The following MAF variants were observed in gnomAD, a reference collection of about 807,000 sequenced individuals.
MAF encodes the protein transcription factor Maf.
A neutral mutation model predicts 22.0 loss-of-function variants in MAF; 10 were observed. The observed-to-expected ratio is 0.45, with a 90% CI of 0.28 to 0.77. The LOEUF is 0.77. Ranked by LOEUF, MAF falls within the 30% of genes least tolerant of loss-of-function variation. The pLI is 0.12. For missense variants in MAF, 544 were observed against 548.4 expected, an observed-to-expected ratio of 0.99 and a Z score of 0.08; for synonymous variants, 337 against 255.8, an observed-to-expected ratio of 1.32 and a Z score of -3.03.
At chr16:79,530,851 G>C in the MAF span, among the ~76,000 whole-genome samples, 2 of 152,164 alleles carry the variant, frequency 1.3e-5, no homozygotes, top group Admixed American at 1.3e-4. Context: ...ATGGGTGGAA[G>C]GAATGGAAAT....
chr16:79,228,415 A>G, the MAF span, among the ~76,000 whole-genome samples: 1 of 152,038 alleles, frequency 6.6e-6, no homozygotes, highest in South Asian at 2.1e-4. Context: ...TCAAGAAAGA[A>G]TGGCTTCACT....
downstream of MAF, among the ~76,000 whole-genome samples, chr16:79,589,488 AAAAAAAG>A (rs371556034): frequency 1.4e-4 from 22 of 152,352 alleles, no homozygotes; most frequent in African/African-American, 4.8e-4. Flanking sequence ...GAAGCAGGAA[AAAAAAAG>A]AAAAAAGAAA....
At chr16:79,471,804 T>A in the MAF span, among the ~76,000 whole-genome samples, 1 of 152,214 alleles carries the variant, frequency 6.6e-6, no homozygotes, top group Admixed American at 6.5e-5. Flanking sequence ...GTAATCCAAT[T>A]TCTTCTTTAT....
the MAF span, among the ~76,000 whole-genome samples, chr16:79,539,982 T>C: frequency 4.6e-5 from 7 of 152,052 alleles, no homozygotes; most frequent in African/African-American, 1.7e-4. Flanking sequence ...AAAATATATA[T>C]ATAAATTTTA....
the MAF span, among the ~76,000 whole-genome samples, chr16:79,333,282 T>G: frequency 6.6e-6 from 1 of 152,180 alleles, no homozygotes; most frequent in African/African-American, 2.4e-5. Context: ...TTTGTGGATC[T>G]GACCCCACCT....
the MAF span, among the ~76,000 whole-genome samples, chr16:79,303,914 A>G: frequency 1.1e-4 from 17 of 152,322 alleles, 1 homozygote; most frequent in African/African-American, 4.1e-4. Context: ...CGGGGAGAAA[A>G]AAAAGAGAGA....
the MAF span, among the ~76,000 whole-genome samples, chr16:79,404,021 C>T: frequency 3.8e-4 from 58 of 152,256 alleles, no homozygotes; most frequent in African/African-American, 1.3e-3. Flanking sequence ...TGCATCACCA[C>T]GTATTTCTAA....
chr16:79,286,091 C>A, the MAF span, among the ~76,000 whole-genome samples: 1 of 152,162 alleles, frequency 6.6e-6, no homozygotes, highest in African/African-American at 2.4e-5. Context: ...CAAATAAGAT[C>A]AATATTGATA....
the MAF span, among the ~76,000 whole-genome samples, chr16:79,264,745 C>A: frequency 6.6e-6 from 1 of 152,198 alleles, no homozygotes. Flanking sequence ...AAATGTCTAA[C>A]CTCTAGGAAA....
At chr16:79,244,623 G>C in the MAF span, among the ~76,000 whole-genome samples, 9 of 152,020 alleles carry the variant, frequency 5.9e-5, no homozygotes, top group African/African-American at 2.2e-4. Context: ...AATCAATATC[G>C]TGAAAATGGC....
the MAF span, among the ~76,000 whole-genome samples, chr16:79,262,212 G>T: frequency 6.6e-6 from 1 of 152,154 alleles, no homozygotes; most frequent in East Asian, 1.9e-4. Context: ...GGCCTCAGAG[G>T]TTTGGGGGAC....
the MAF span, among the ~76,000 whole-genome samples, chr16:79,375,733 TA>T: frequency 1.5e-4 from 22 of 151,662 alleles, 1 homozygote; most frequent in South Asian, 1.9e-3. Context: ...GTCACAGACT[TA>T]AAAAAAAATC....
the MAF span, among the ~76,000 whole-genome samples, chr16:79,239,339 G>C: frequency 1.3e-5 from 2 of 151,998 alleles, no homozygotes; most frequent in African/African-American, 2.4e-5. Context: ...GGAGTTTCCT[G>C]GGCCGTGGGA....
chr16:79,321,645 CTTTTTTTTTTTT>C, the MAF span, among the ~76,000 whole-genome samples: 9 of 86,970 alleles, frequency 1.0e-4, no homozygotes, highest in East Asian at 2.1e-3. Context: ...TTTTCTTTTT[CTTTTTTTTTTTT>C]TTTTTTTTTT....
chr16:79,253,448 T>G, the MAF span, among the ~76,000 whole-genome samples: 1 of 152,178 alleles, frequency 6.6e-6, no homozygotes, highest in Admixed American at 6.5e-5. Flanking sequence ...AGGTTCCCCA[T>G]TTGAGCAGTG....
chr16:79,548,960 A>G, the MAF span, among the ~76,000 whole-genome samples: 2 of 152,164 alleles, frequency 1.3e-5, no homozygotes, highest in African/African-American at 4.8e-5. Flanking sequence ...TGGGATGATG[A>G]CATCTTCTAC....
chr16:79,362,907 G>A, the MAF span, among the ~76,000 whole-genome samples: 1 of 152,140 alleles, frequency 6.6e-6, no homozygotes. Context: ...TTATATACTG[G>A]TATATCCTTT....
chr16:79,506,094 C>G, the MAF span, among the ~76,000 whole-genome samples: 2 of 152,124 alleles, frequency 1.3e-5, no homozygotes, highest in Non-Finnish European at 2.9e-5. Flanking sequence ...TACTGAGCAG[C>G]ATAATTTGAT....
the MAF span, among the ~76,000 whole-genome samples, chr16:79,327,041 C>G: frequency 6.6e-6 from 1 of 152,212 alleles, no homozygotes; most frequent in Admixed American, 6.5e-5. Context: ...GCCTCACAGT[C>G]TGCATACTGA....
Sources: allele counts gnomAD v4.1 joint callset (sites outside exome capture counted in the v4.1 genomes callset), GRCh38; gene constraint gnomAD v4.1.1; transcripts MANE v1.5; gene names NCBI Gene and HGNC (gene_info 2026-07-23, HGNC 2026-07-21).